The following RNF121 variants were observed in gnomAD, a reference collection of about 807,000 sequenced individuals.
RNF121 encodes ring finger protein 121.
RNF121 carries 21 observed loss-of-function variants against 46.5 expected under a neutral mutation model. The ratio of observed to expected loss-of-function variants is 0.45; its 90% confidence interval spans 0.32 to 0.65. RNF121 has a LOEUF of 0.65. Ranked by LOEUF, RNF121 falls within the 30% of genes least tolerant of loss-of-function variation. The pLI is 0.04. For missense variants in RNF121, 346 were observed against 416.0 expected, an observed-to-expected ratio of 0.83 and a Z score of 1.46; for synonymous variants, 139 against 144.7, an observed-to-expected ratio of 0.96 and a Z score of 0.28.
intron 3 of RNF121, among the ~76,000 whole-genome samples, chr11:71,962,851 T>C (rs1234025117): frequency 6.6e-6 from 1 of 152,228 alleles, no homozygotes; most frequent in East Asian, 1.9e-4. Context: ...CACATTCTTA[T>C]CAAGACTTCT....
intron 3 of RNF121, among the ~76,000 whole-genome samples, chr11:71,980,433 A>G (rs1590806910): frequency 6.6e-6 from 1 of 150,428 alleles, no homozygotes; most frequent in South Asian, 2.1e-4. Context: ...CGCAACCTCC[A>G]CCTCCCGGAT....
chr11:71,992,167 G>A (rs1291836889), intron 6 of RNF121, among the ~76,000 whole-genome samples: 1 of 152,176 alleles, frequency 6.6e-6, no homozygotes, highest in African/African-American at 2.4e-5. Flanking sequence ...AAATGATGGG[G>A]CACAAAAGTG....
chr11:71,957,946 A>T (rs1954031199), intron 2 of RNF121, among the ~76,000 whole-genome samples: 1 of 152,236 alleles, frequency 6.6e-6, no homozygotes, highest in Admixed American at 6.5e-5. Flanking sequence ...TTTTATTTAG[A>T]TTAAAACTAT....
At chr11:71,967,340 G>GGT (rs1565152780) in intron 3 of RNF121, among the ~76,000 whole-genome samples, 2 of 138,620 alleles carry the variant, frequency 1.4e-5, no homozygotes, top group Non-Finnish European at 3.0e-5. Context: ...AATTATGTGG[G>GGT]TTTTTTTTGT....
chr11:71,992,368 A>G (rs762127412), intron 6 of RNF121, among the ~76,000 whole-genome samples: 11 of 152,222 alleles, frequency 7.2e-5, no homozygotes, highest in Non-Finnish European at 1.5e-4. Flanking sequence ...CTGTATGTGT[A>G]AAGCTACACA....
intron 3 of RNF121, among the ~76,000 whole-genome samples, chr11:71,974,529 A>G (rs1280383782): frequency 2.0e-5 from 3 of 152,320 alleles, no homozygotes; most frequent in East Asian, 3.9e-4. Flanking sequence ...ACCAAGGTAC[A>G]GAATCCTGAA....
At chr11:71,986,973 C>T (rs1165513839) in intron 4 of RNF121, 31 bp from the exon 5 acceptor site, 1 of 1,261,364 alleles carries the variant, frequency 7.9e-7, no homozygotes, top group African/African-American at 1.5e-5. Flanking sequence ...ATCTCTGTGT[C>T]AGCTGCACTA....
chr11:71,959,723 C>T (rs551919536), intron 2 of RNF121, among the ~76,000 whole-genome samples: 17 of 151,568 alleles, frequency 1.1e-4, no homozygotes, highest in Non-Finnish European at 2.2e-4. Flanking sequence ...GCAACCTCCA[C>T]CTCCCAGGTT....
chr11:71,939,343 G>A, intron 1 of RNF121: 1 of 163,006 alleles, frequency 6.1e-6, no homozygotes, highest in South Asian at 1.4e-4. Context: ...TTGGAACAAT[G>A]GAATGGCTTA....
At chr11:71,935,787 G>A (rs1425865842) in intron 1 of RNF121, among the ~76,000 whole-genome samples, 1 of 151,412 alleles carries the variant, frequency 6.6e-6, no homozygotes, top group Non-Finnish European at 1.5e-5. Context: ...CTCTCATCAG[G>A]TACTGAGTAA....
intron 4 of RNF121, 68 bp from the exon 5 acceptor site, chr11:71,986,936 C>T: frequency 2.2e-6 from 2 of 898,946 alleles, no homozygotes; most frequent in East Asian, 2.4e-5. Flanking sequence ...ATAAAGGATT[C>T]TGGTGATCAG....
At chr11:71,971,878 C>A (rs561784474) in intron 3 of RNF121, among the ~76,000 whole-genome samples, 2 of 152,036 alleles carry the variant, frequency 1.3e-5, no homozygotes, top group African/African-American at 2.4e-5. Flanking sequence ...GCTGAGTCAG[C>A]GAATATACAC....
chr11:71,976,822 G>A (rs1266596215), intron 3 of RNF121, among the ~76,000 whole-genome samples: 2 of 152,124 alleles, frequency 1.3e-5, no homozygotes, highest in Non-Finnish European at 2.9e-5. Flanking sequence ...TTGGTAGTTA[G>A]GTTTCATTTT....
chr11:71,934,936 G>A (rs1402892640), intron 1 of RNF121, among the ~76,000 whole-genome samples: 2 of 94,808 alleles, frequency 2.1e-5, no homozygotes, highest in Non-Finnish European at 4.2e-5. Flanking sequence ...TGTTCCAAAT[G>A]CATTCTTTTT....
chr11:71,993,547 C>G (rs1020272074), intron 6 of RNF121, among the ~76,000 whole-genome samples: 4 of 152,156 alleles, frequency 2.6e-5, no homozygotes, highest in Non-Finnish European at 5.9e-5. Flanking sequence ...CTTTATATGG[C>G]TGAATAGTAT....
intron 1 of RNF121, among the ~76,000 whole-genome samples, chr11:71,952,670 G>C (rs1313637039): frequency 1.3e-5 from 2 of 151,962 alleles, no homozygotes. Context: ...TTAGCCAGGC[G>C]TGGTGGCGCA....
chr11:71,952,439 A>G (rs1953902714), intron 1 of RNF121, among the ~76,000 whole-genome samples: 1 of 152,212 alleles, frequency 6.6e-6, no homozygotes, highest in Non-Finnish European at 1.5e-5. Context: ...CGAATAGTAT[A>G]CTTAATTTTT....
chr11:71,991,363 A>G (rs965537005), intron 6 of RNF121, among the ~76,000 whole-genome samples: 9 of 152,200 alleles, frequency 5.9e-5, no homozygotes, highest in African/African-American at 1.4e-4. Flanking sequence ...AATGCCTGCT[A>G]TGTGTCTAGA....
At chr11:71,931,229 G>A (rs979494714) in intron 1 of RNF121, among the ~76,000 whole-genome samples, 2 of 152,172 alleles carry the variant, frequency 1.3e-5, no homozygotes, top group Admixed American at 6.5e-5. Flanking sequence ...TAGTATAATA[G>A]ACTTTACAGA....
Sources: gnomAD v4.1 joint callset for allele counts (sites outside exome capture counted in the v4.1 genomes callset) on GRCh38, gnomAD v4.1.1 for gene constraint, MANE v1.5 for transcripts, NCBI Gene and HGNC (gene_info 2026-07-23, HGNC 2026-07-21) for gene names.